Variants in TMEM132B observed in about 807,000 individuals in gnomAD.
TMEM132B encodes transmembrane protein 132B.
TMEM132B carries 18 observed loss-of-function variants against 90.8 expected under a neutral mutation model. The observed-to-expected ratio is 0.20, with a 90% CI of 0.14 to 0.29. The LOEUF (loss-of-function observed/expected upper bound fraction) is 0.29, where lower values mean the gene tolerates loss of function less well. Among genes scored for constraint, TMEM132B ranks in the 10% least tolerant of loss-of-function variants. TMEM132B has a pLI of 1.00. For missense variants in TMEM132B, 1,096 were observed against 1,326.8 expected (o/e 0.83, Z 2.70); for synonymous variants, 504 against 523.3 (o/e 0.96, Z 0.50).
At chr12:125,440,028 A>G (rs765390032) in intron 3 of TMEM132B, among the ~76,000 whole-genome samples, 4 of 152,154 alleles carry the variant, frequency 2.6e-5, no homozygotes, top group African/African-American at 4.8e-5. Flanking sequence ...CTACTTGATC[A>G]TGGTGGATTA....
At chr12:125,556,972 C>T (rs963694032) in intron 4 of TMEM132B, among the ~76,000 whole-genome samples, 1 of 151,910 alleles carries the variant, frequency 6.6e-6, no homozygotes, top group Non-Finnish European at 1.5e-5. Flanking sequence ...GCCAGGACAT[C>T]TCTGTTCTTG....
At chr12:125,527,577 CATCCACCCGTTTACCCTTCT>C (rs1397258547) in intron 4 of TMEM132B, among the ~76,000 whole-genome samples, 22 of 142,872 alleles carry the variant, frequency 1.5e-4, no homozygotes, top group African/African-American at 2.6e-4. Context: ...TCCACCCTTC[CATCCACCCGTTTACCCTTCT>C]ATCCACCCAT....
intron 5 of TMEM132B, among the ~76,000 whole-genome samples, chr12:125,591,037 TTGTGTG>T (rs1316294418): frequency 6.8e-6 from 1 of 147,064 alleles, no homozygotes; most frequent in Admixed American, 6.7e-5. Flanking sequence ...GTGTGTGTGT[TTGTGTG>T]TGTGTGTGTT....
At chr12:125,614,139 T>A (rs1885928661) in intron 5 of TMEM132B, among the ~76,000 whole-genome samples, 1 of 152,200 alleles carries the variant, frequency 6.6e-6, no homozygotes, top group Admixed American at 6.5e-5. Flanking sequence ...TTTCAACATT[T>A]TTTTTAGAAA....
chr12:125,555,719 A>AT (rs1011820020), intron 4 of TMEM132B, among the ~76,000 whole-genome samples: 7 of 146,914 alleles, frequency 4.8e-5, no homozygotes, highest in East Asian at 3.9e-4. Flanking sequence ...ATAGTAAAAA[A>AT]AAATATATAT....
chr12:125,274,928 C>T (rs1308669667), intron 1 of TMEM132B, among the ~76,000 whole-genome samples: 1 of 151,416 alleles, frequency 6.6e-6, no homozygotes, highest in Admixed American at 6.6e-5. Context: ...ACCCTGTCTC[C>T]CAAAAAATAA....
At position 125,597,145 on chromosome 12, in the gene TMEM132B, C is replaced by T. The variant is rs138013409; in HGVS notation, c.1437+13151C>T. On this transcript the variant is annotated intron_variant, in intron 5 of 8. Transcript: ENST00000682704. The stretch of plus-strand genomic sequence containing the variant: ...TAAAGAAGACAGCATATTTAAAATT[C>T]CTGGTAGAGTTTCTGGCACAGAATA... 9.9e-4 allele frequency among the ~76,000 whole-genome samples: 150 copies of T among 152,252 alleles called. 1 individual carries two copies. Among genetic ancestry groups the T allele is most frequent in the Non-Finnish European group, 1.6e-3 (106 of 68,016 alleles).
At chr12:125,510,063 A>T (rs190651562) in intron 3 of TMEM132B, among the ~76,000 whole-genome samples, 23 of 152,340 alleles carry the variant, frequency 1.5e-4, no homozygotes, top group Non-Finnish European at 3.2e-4. Context: ...TTTCTGAGTC[A>T]TCATTTGCTA....
chr12:125,400,076 G>T (rs1879274320), intron 2 of TMEM132B, among the ~76,000 whole-genome samples: 1 of 152,176 alleles, frequency 6.6e-6, no homozygotes, highest in Non-Finnish European at 1.5e-5. Flanking sequence ...GGGCTCCATT[G>T]CCTACAAATC....
chr12:125,340,687 GA>G (rs1398072319), intron 1 of TMEM132B, among the ~76,000 whole-genome samples: 1 of 152,252 alleles, frequency 6.6e-6, no homozygotes, highest in Non-Finnish European at 1.5e-5. Context: ...GGTTTGGGAA[GA>G]AAGCACATTC....
intron 2 of TMEM132B, among the ~76,000 whole-genome samples, chr12:125,372,467 C>G (rs1327486794): frequency 6.6e-6 from 1 of 152,184 alleles, no homozygotes; most frequent in Non-Finnish European, 1.5e-5. Context: ...AAATCAAAAC[C>G]TCTTCCAGTT....
At chr12:125,615,373 A>T (rs1026204907) in intron 5 of TMEM132B, among the ~76,000 whole-genome samples, 1 of 151,662 alleles carries the variant, frequency 6.6e-6, no homozygotes, top group African/African-American at 2.4e-5. Context: ...TGATGACCAC[A>T]TTTCTCTTAA....
intron 5 of TMEM132B, among the ~76,000 whole-genome samples, chr12:125,618,449 C>T (rs1024655023): frequency 6.6e-6 from 1 of 152,078 alleles, no homozygotes. Flanking sequence ...CTACACCTGG[C>T]GTATGGGGGT....
intron 1 of TMEM132B, among the ~76,000 whole-genome samples, chr12:125,333,106 G>A (rs1325706726): frequency 1.3e-5 from 2 of 152,278 alleles, no homozygotes; most frequent in East Asian, 3.9e-4. Flanking sequence ...GTCCCAGGCC[G>A]GTTTTCCAGC....
intron 7 of TMEM132B, among the ~76,000 whole-genome samples, chr12:125,651,262 A>T (rs948578806): frequency 1.3e-5 from 2 of 152,206 alleles, no homozygotes; most frequent in East Asian, 3.8e-4. Flanking sequence ...CCAACATCAT[A>T]TTCTCCATTT....
At chr12:125,593,780 A>C (rs946223716) in intron 5 of TMEM132B, among the ~76,000 whole-genome samples, 1 of 152,244 alleles carries the variant, frequency 6.6e-6, no homozygotes, top group Non-Finnish European at 1.5e-5. Flanking sequence ...TCAAATTAAA[A>C]AACTTTATAA....
At chr12:125,588,996 A>T (rs115350577) in intron 5 of TMEM132B, among the ~76,000 whole-genome samples, 6 of 152,238 alleles carry the variant, frequency 3.9e-5, no homozygotes, top group Non-Finnish European at 7.3e-5. Flanking sequence ...ATATTAATAC[A>T]TATTACATCC....
At chr12:125,576,459 A>C (rs1216266313) in intron 4 of TMEM132B, among the ~76,000 whole-genome samples, 1 of 150,674 alleles carries the variant, frequency 6.6e-6, no homozygotes, top group African/African-American at 2.4e-5. Flanking sequence ...CATTTCAATT[A>C]ATCCCCCCCA....
At chr12:125,405,262 C>A (rs1355065189) in intron 2 of TMEM132B, among the ~76,000 whole-genome samples, 1 of 152,166 alleles carries the variant, frequency 6.6e-6, no homozygotes, top group African/African-American at 2.4e-5. Flanking sequence ...CCCATAGAAG[C>A]ATAACTCCAG....
Sources: allele counts gnomAD v4.1 joint callset (sites outside exome capture counted in the v4.1 genomes callset), GRCh38; gene constraint gnomAD v4.1.1; transcripts MANE v1.5; gene names NCBI Gene and HGNC (gene_info 2026-07-23, HGNC 2026-07-21).